Variants in REEP3 observed in about 807,000 individuals in gnomAD.
REEP3 encodes receptor expression-enhancing protein 3.
In REEP3, 20 loss-of-function variants were observed where a neutral mutation model predicts 41.3. The ratio of observed to expected loss-of-function variants is 0.48; its 90% CI spans 0.34 to 0.70. The LOEUF (loss-of-function observed/expected upper bound fraction) is 0.70. Ranked by LOEUF, REEP3 falls within the 30% of genes least tolerant of loss-of-function variation. REEP3 has a pLI of 0.01. For synonymous variants in REEP3, 104 were observed against 101.8 expected (o/e 1.02, Z -0.13); for missense variants, 271 against 308.8 (o/e 0.88, Z 0.92).
chr10:63,527,145 G>A (rs1273905232), intron 1 of REEP3, among the ~76,000 whole-genome samples: 3 of 151,922 alleles, frequency 2.0e-5, no homozygotes, highest in Non-Finnish European at 2.9e-5. Flanking sequence ...TATATTGGGT[G>A]CTATAATGGA....
chr10:63,551,528 T>C (rs1955628844), intron 1 of REEP3, among the ~76,000 whole-genome samples: 1 of 152,184 alleles, frequency 6.6e-6, no homozygotes. Context: ...GGGGCGCCAG[T>C]AACTTTACCT....
chr10:63,542,905 G>A (rs902296167), intron 1 of REEP3, among the ~76,000 whole-genome samples: 3 of 152,268 alleles, frequency 2.0e-5, no homozygotes, highest in Non-Finnish European at 4.4e-5. Context: ...CACGTTCAAG[G>A]TACAGGATGC....
intron 1 of REEP3, among the ~76,000 whole-genome samples, chr10:63,536,157 A>G (rs1955472039): frequency 6.6e-6 from 1 of 152,226 alleles, no homozygotes. Context: ...ATAACTTCCC[A>G]AAGTGGTCAC....
chr10:63,604,328 C>T (rs1055490358), intron 5 of REEP3, among the ~76,000 whole-genome samples: 3 of 152,208 alleles, frequency 2.0e-5, no homozygotes, highest in Non-Finnish European at 4.4e-5. Context: ...GGATGTACAG[C>T]ATTCCATAGC....
At chr10:63,612,351 T>C (rs572120851) in intron 6 of REEP3, among the ~76,000 whole-genome samples, 32 of 152,194 alleles carry the variant, frequency 2.1e-4, no homozygotes, top group Non-Finnish European at 4.1e-4. Flanking sequence ...TTTCCATTTT[T>C]TGTAGAGACG....
chr10:63,597,827 C>A (rs1956130140), intron 3 of REEP3, among the ~76,000 whole-genome samples, 197 bp from the exon 4 acceptor site: 1 of 151,464 alleles, frequency 6.6e-6, no homozygotes, highest in South Asian at 2.1e-4. Context: ...GCAGGAGAAT[C>A]ACTTGAACCC....
rs1956372439 is a variant in REEP3 at position 63,623,680 on chromosome 10, T to G, written c.*2811T>G. On this transcript the variant is annotated 3_prime_UTR_variant, in exon 8 of 8. Coordinates refer to ENST00000373758, the MANE Select transcript of REEP3 (RefSeq NM_001001330.3). ...TATAAAAAGGAGCCAGAAATAAGCC[T>G]TATTGCTAAATAATTAATTATGTAA... 1 of 152,278 alleles carries G rather than the reference T, an allele frequency of 6.6e-6. No individual in the cohort carries two copies. Among genetic ancestry groups the G allele is most frequent in the South Asian group, 2.1e-4 (1 of 4,842 alleles). 9.4% of individuals were successfully genotyped at this position (152,278 alleles called of 1,614,324 possible).
intron 1 of REEP3, among the ~76,000 whole-genome samples, chr10:63,532,750 T>C (rs993899593): frequency 1.3e-5 from 2 of 151,470 alleles, no homozygotes; most frequent in Non-Finnish European, 2.9e-5. Context: ...GTACAAAAAT[T>C]AGCCGGGCAT....
chr10:63,612,024 A>G (rs910824311), intron 6 of REEP3, among the ~76,000 whole-genome samples: 3 of 152,166 alleles, frequency 2.0e-5, no homozygotes, highest in African/African-American at 7.2e-5. Flanking sequence ...ACTATTATCT[A>G]AGAGGTAATG....
chr10:63,533,710 C>CTTGTTTTTTTTTTTTTTTTTTT (rs1955446842), intron 1 of REEP3, among the ~76,000 whole-genome samples: 1 of 101,070 alleles, frequency 9.9e-6, no homozygotes, highest in Non-Finnish European at 2.2e-5. Flanking sequence ...GTATGTAAAT[C>CTTGTTTTTTTTTTTTTTTTTTT]TTTTTTTTTT....
chr10:63,544,168 G>A (rs1275060902), intron 1 of REEP3, among the ~76,000 whole-genome samples: 2 of 152,186 alleles, frequency 1.3e-5, no homozygotes, highest in African/African-American at 2.4e-5. Flanking sequence ...ACTCTCTTCA[G>A]AAATCAAGCA....
At chr10:63,563,741 A>G (rs576008835) in intron 1 of REEP3, among the ~76,000 whole-genome samples, 1 of 152,124 alleles carries the variant, frequency 6.6e-6, no homozygotes, top group South Asian at 2.1e-4. Flanking sequence ...AAAATCTGAC[A>G]AAGTCCTACT....
At chr10:63,610,041 G>A in intron 5 of REEP3, 146 bp from the exon 6 acceptor site, 1 of 621,546 alleles carries the variant, frequency 1.6e-6, no homozygotes, top group Non-Finnish European at 2.7e-6. Context: ...TGAGAAAGCA[G>A]ATACCGCAAA....
At chr10:63,583,366 T>C (rs915889719) in intron 2 of REEP3, among the ~76,000 whole-genome samples, 2 of 152,190 alleles carry the variant, frequency 1.3e-5, no homozygotes, top group Non-Finnish European at 2.9e-5. Context: ...GGCCAGTTCT[T>C]GACATTTAAA....
intron 2 of REEP3, among the ~76,000 whole-genome samples, chr10:63,573,239 CTTTCCTAGGATATAA>C (rs1408391515): frequency 7.9e-5 from 12 of 152,174 alleles, no homozygotes; most frequent in African/African-American, 2.9e-4. Flanking sequence ...TAAAACAGAG[CTTTCCTAGGATATAA>C]TTTCCTGCAT....
intron 1 of REEP3, among the ~76,000 whole-genome samples, chr10:63,548,104 T>TGA (rs1286478905): frequency 6.6e-6 from 1 of 152,202 alleles, no homozygotes; most frequent in Non-Finnish European, 1.5e-5. Context: ...AACCAGCCTG[T>TGA]GTTCAGCGGG....
intron 2 of REEP3, among the ~76,000 whole-genome samples, chr10:63,570,637 T>G (rs1225288491): frequency 6.6e-6 from 1 of 152,070 alleles, no homozygotes; most frequent in Non-Finnish European, 1.5e-5. Context: ...TTAGGGAAGG[T>G]AAAAGGCAGG....
At chr10:63,551,567 T>G (rs1482693175) in intron 1 of REEP3, among the ~76,000 whole-genome samples, 1 of 152,148 alleles carries the variant, frequency 6.6e-6, no homozygotes, top group East Asian at 1.9e-4. Flanking sequence ...CACATCATCT[T>G]TGTGATATTA....
At chr10:63,592,126 G>GGA (rs144083972) in intron 2 of REEP3, among the ~76,000 whole-genome samples, 9,198 of 152,200 alleles carry the variant, frequency 0.06, 477 homozygotes, top group African/African-American at 0.13. Flanking sequence ...GCTGAGTACT[G>GGA]GAGAGGGAGA....
Sources: allele counts gnomAD v4.1 joint callset (sites outside exome capture counted in the v4.1 genomes callset), GRCh38; gene constraint gnomAD v4.1.1; transcripts MANE v1.5; gene names NCBI Gene and HGNC (gene_info 2026-07-23, HGNC 2026-07-21).